SUCLA2: variants seen among roughly 807,000 people sequenced by gnomAD.
SUCLA2 encodes succinate--CoA ligase [ADP-forming] subunit beta, mitochondrial.
In SUCLA2, 30 loss-of-function variants were observed where a neutral mutation model predicts 54.8. The observed-to-expected ratio is 0.55, with a 90% CI of 0.41 to 0.74. The LOEUF is 0.74. SUCLA2 is among the 30% of genes least tolerant of loss of function. The probability of loss-of-function intolerance (pLI) is 0.00; values close to 1 mark genes in which losing one functional copy is unlikely to be tolerated. For synonymous variants in SUCLA2, 172 were observed against 188.9 expected (o/e 0.91, Z 0.74); for missense variants, 476 against 562.9 (o/e 0.85, Z 1.56).
intron 8 of SUCLA2, among the ~76,000 whole-genome samples, chr13:47,950,558 C>G (rs555950662): frequency 1.3e-5 from 2 of 152,244 alleles, no homozygotes; most frequent in South Asian, 4.1e-4. Context: ...GGGTACATTT[C>G]ACATCCAAAT....
rs962860887 is a variant in SUCLA2, at chr13:47,988,352, A to G, written c.534+189T>C. The G allele has an allele frequency of 2.9e-5, 18 of 620,650 alleles. No homozygotes were observed. The African/African-American group carries it at 3.4e-4, about 12-fold the overall frequency. The allele number at this position is 620,650 out of a possible 1,614,324, so 38.4% of individuals were successfully genotyped here. A position where few individuals can be genotyped will look rare whatever the true frequency, so the allele number is the denominator to read the frequency against. On this transcript the variant is annotated intron_variant, in intron 4 of 10. Transcript: ENST00000646932. ...TTTCCTATAATTTTAAGATCATGAT[A>G]TTATATATCAAATTTTACGGCATTA...
intron 4 of SUCLA2, among the ~76,000 whole-genome samples, chr13:47,978,246 C>T (rs562247356): frequency 4.4e-4 from 67 of 152,246 alleles, no homozygotes; most frequent in African/African-American, 1.4e-3. Flanking sequence ...GGAGGCATCA[C>T]GCTACCTGAC....
At chr13:47,969,401 G>A (rs1444586295) in intron 5 of SUCLA2, among the ~76,000 whole-genome samples, 1 of 152,200 alleles carries the variant, frequency 6.6e-6, no homozygotes, top group Non-Finnish European at 1.5e-5. Flanking sequence ...TCCAGGCACT[G>A]TGCTAGGCCC....
chr13:47,992,587 T>G (rs1200604658), intron 2 of SUCLA2, among the ~76,000 whole-genome samples: 1 of 152,190 alleles, frequency 6.6e-6, no homozygotes, highest in Non-Finnish European at 1.5e-5. Context: ...GTGAGACCTC[T>G]CCTGCCCTCA....
intron 2 of SUCLA2, among the ~76,000 whole-genome samples, chr13:47,992,369 AAG>A (rs1362768463): frequency 6.6e-6 from 1 of 150,394 alleles, no homozygotes; most frequent in African/African-American, 2.4e-5. Flanking sequence ...TAAAAAAAAA[AAG>A]CCCTTCACAA....
At chr13:47,948,232 C>T (rs529156165) in intron 10 of SUCLA2, among the ~76,000 whole-genome samples, 50 of 152,160 alleles carry the variant, frequency 3.3e-4, no homozygotes, top group African/African-American at 1.2e-3. Flanking sequence ...AGGAGCTGAC[C>T]GTTGTTTAAG....
intron 6 of SUCLA2, chr13:47,965,516 C>CA (rs76546945): frequency 0.11 from 27,908 of 249,108 alleles, 105 homozygotes; most frequent in East Asian, 0.16. Context: ...AACAAACAAA[C>CA]AAAAAAAAAA....
chr13:47,944,139 C>T (rs979202388), intron 10 of SUCLA2, among the ~76,000 whole-genome samples: 1 of 151,932 alleles, frequency 6.6e-6, no homozygotes, highest in African/African-American at 2.4e-5. Flanking sequence ...GCTGCAAATC[C>T]CCCCTCTGAT....
intron 2 of SUCLA2, among the ~76,000 whole-genome samples, chr13:47,992,339 G>C (rs1433108707): frequency 8.4e-6 from 1 of 119,590 alleles, no homozygotes; most frequent in Non-Finnish European, 1.6e-5. Flanking sequence ...GGCAAAAGAT[G>C]ATTCTTCGAA....
At chr13:47,959,372 A>G (rs1252406562) in intron 6 of SUCLA2, among the ~76,000 whole-genome samples, 1 of 44,190 alleles carries the variant, frequency 2.3e-5, no homozygotes, top group African/African-American at 8.7e-5. Flanking sequence ...GCTGTCCTGG[A>G]GTAAAATGAT....
chr13:47,988,999 C>T lies in SUCLA2; in HGVS notation c.272-18G>A, dbSNP rs1950128969. On this transcript the variant is annotated intron_variant, in intron 2 of 10. Coordinates refer to ENST00000646932, the MANE Select transcript of SUCLA2 (RefSeq NM_003850.3). Reference sequence around the variant, plus strand: ...TTTTGAACCTAGAAGAAAAACACTTCTATTAAATATGAAGCATGGAGCAGC... The same window carrying T: ...TTTTGAACCTAGAAGAAAAACACTTTTATTAAATATGAAGCATGGAGCAGC... 1.2e-6 allele frequency: 2 copies of T among 1,606,784 alleles called. No individual in the cohort carries two copies. The highest frequency in any genetic ancestry group is 1.3e-5 in the African/African-American group (1 of 74,774).
intron 2 of SUCLA2, among the ~76,000 whole-genome samples, chr13:47,992,231 G>A (rs967905726): frequency 5.9e-5 from 9 of 151,938 alleles, no homozygotes; most frequent in Admixed American, 3.3e-4. Context: ...TAAGAGTAAC[G>A]AAGCTCTATT....
intron 6 of SUCLA2, 33 bp from the exon 7 acceptor site, chr13:47,954,590 T>C (rs1324593547): frequency 6.2e-7 from 1 of 1,608,220 alleles, no homozygotes; most frequent in African/African-American, 1.3e-5. Flanking sequence ...ATGACCTTAA[T>C]TTCAAGACAG....
chr13:47,947,274 T>TACAC (rs34458960), intron 10 of SUCLA2, among the ~76,000 whole-genome samples: 8,578 of 144,874 alleles, frequency 0.059, 263 homozygotes, highest in Middle Eastern at 0.09. Context: ...ACACGCACAA[T>TACAC]ACACACACAC....
At chr13:47,978,032 A>C (rs1362799576) in intron 4 of SUCLA2, among the ~76,000 whole-genome samples, 2 of 152,146 alleles carry the variant, frequency 1.3e-5, no homozygotes, top group African/African-American at 4.8e-5. Context: ...AAAGGGAAAA[A>C]CATTCCATTC....
intron 6 of SUCLA2, among the ~76,000 whole-genome samples, chr13:47,963,673 C>A (rs1949891684): frequency 6.6e-6 from 1 of 151,324 alleles, no homozygotes; most frequent in Admixed American, 6.6e-5. Context: ...AAAAAACAGA[C>A]ATAAATATAG....
intron 8 of SUCLA2, 102 bp from the exon 9 acceptor site, chr13:47,949,705 TAGAA>T: frequency 7.9e-7 from 1 of 1,261,594 alleles, no homozygotes; most frequent in Non-Finnish European, 1.1e-6. Flanking sequence ...ATTAACTTGA[TAGAA>T]AGATTTTCAG....
At position 47,949,607 on chromosome 13, in the gene SUCLA2, T is replaced by C. The variant is rs374695363; in HGVS notation, c.1108-4A>G. On this transcript the variant is annotated splice_region_variant and splice_polypyrimidine_tract_variant and intron_variant, in intron 8 of 10. Coordinates refer to ENST00000646932, the MANE Select transcript of SUCLA2 (RefSeq NM_003850.3). ...TGTTGACCAGAATAGCCAGTACCTA[T>C]GAATAAAGTGTTCTGATAGATTAAA... 12 of 1,613,076 alleles carry C rather than the reference T, an allele frequency of 7.4e-6. No homozygotes were observed. The African/African-American group carries it at 1.3e-4, about 18-fold the overall frequency.
chr13:47,968,910 A>G (rs898567463), intron 5 of SUCLA2, among the ~76,000 whole-genome samples, 177 bp from the exon 6 acceptor site: 2 of 152,218 alleles, frequency 1.3e-5, no homozygotes, highest in African/African-American at 2.4e-5. Context: ...TTTATTCAAA[A>G]TCTTCAAAAG....
Sources: allele counts gnomAD v4.1 joint callset (sites outside exome capture counted in the v4.1 genomes callset), GRCh38; gene constraint gnomAD v4.1.1; transcripts MANE v1.5; gene names NCBI Gene and HGNC (gene_info 2026-07-23, HGNC 2026-07-21).